The following ARRDC5 variants were observed in gnomAD, a reference collection of about 807,000 sequenced individuals.
ARRDC5 encodes the protein arrestin domain-containing protein 5.
ARRDC5 carries 12 observed loss-of-function variants against 13.3 expected under a neutral mutation model. That is an observed-to-expected ratio of 0.90 (90% CI 0.58 to 1.46). ARRDC5 has a LOEUF of 1.46. Among genes scored for constraint, ARRDC5 ranks in the 40% most tolerant of loss-of-function variants. The probability of loss-of-function intolerance (pLI) is 0.00; values close to 1 mark genes in which losing one functional copy is unlikely to be tolerated. For missense variants in ARRDC5, 406 were observed against 418.7 expected (o/e 0.97, Z 0.26); for synonymous variants, 181 against 173.4 (o/e 1.04, Z -0.34).
chr19:4,904,269 C>G (rs933619717), upstream of ARRDC5, among the ~76,000 whole-genome samples: 1 of 152,100 alleles, frequency 6.6e-6, no homozygotes, highest in Non-Finnish European at 1.5e-5. Flanking sequence ...AGCTCCGCCT[C>G]CCGTGTTCAT....
the ARRDC5 span, among the ~76,000 whole-genome samples, chr19:4,912,931 T>C: frequency 6.6e-6 from 1 of 152,118 alleles, no homozygotes; most frequent in South Asian, 2.1e-4. Context: ...GGCTAGTTTT[T>C]GTATCTTTTG....
chr19:4,896,360 T>TACACACACA (rs1568396021), intron 2 of ARRDC5, among the ~76,000 whole-genome samples: 6 of 70,294 alleles, frequency 8.5e-5, no homozygotes, highest in East Asian at 5.1e-4. Context: ...TTTTTTTTTT[T>TACACACACA]TACACACACA....
intron 1 of ARRDC5, 65 bp from the exon 2 acceptor site, chr19:4,896,941 T>C: frequency 8.5e-7 from 1 of 1,172,482 alleles, no homozygotes; most frequent in East Asian, 2.4e-5. Flanking sequence ...TTCTTCTTTT[T>C]TTTTTTGCTT....
intron 1 of ARRDC5, among the ~76,000 whole-genome samples, chr19:4,899,871 G>A (rs2031858922): frequency 1.3e-5 from 2 of 150,760 alleles, no homozygotes; most frequent in African/African-American, 4.8e-5. Flanking sequence ...CCCGGGAGGC[G>A]GAGCTTGCAG....
At chr19:4,895,210 T>C (rs2779174) in intron 2 of ARRDC5, among the ~76,000 whole-genome samples, 23,635 of 151,548 alleles carry the variant, frequency 0.16, 2,399 homozygotes, top group Non-Finnish European at 0.23. Context: ...TCACCTGAAG[T>C]CAGGAGTTTA....
chr19:4,915,539 C>A, the ARRDC5 span, among the ~76,000 whole-genome samples: 2 of 152,084 alleles, frequency 1.3e-5, no homozygotes, highest in Non-Finnish European at 2.9e-5. Context: ...ATGGTGAAAC[C>A]CCGTCTCTAC....
chr19:4,896,399 C>T (rs1432990627), intron 2 of ARRDC5, among the ~76,000 whole-genome samples: 88 of 130,968 alleles, frequency 6.7e-4, no homozygotes, highest in African/African-American at 2.5e-3. Context: ...CACACACACA[C>T]ACACACATAT....
chr19:4,911,178 G>A, the ARRDC5 span: 8 of 807,400 alleles, frequency 9.9e-6, no homozygotes, highest in Non-Finnish European at 1.5e-5. Context: ...GGAAGGAGAA[G>A]TCCACAGAAA....
upstream of ARRDC5, among the ~76,000 whole-genome samples, chr19:4,906,168 G>C (rs2032059873): frequency 6.6e-6 from 1 of 152,152 alleles, no homozygotes; most frequent in African/African-American, 2.4e-5. Flanking sequence ...TTGTAGAGAA[G>C]GGTTCTCACT....
rs749644025 is a variant in ARRDC5 at position 4,896,766 on chromosome 19, C to A, written c.364G>T (p.Ala122Ser). ...KFGHVFYFVQASCMGREHILA... is the reference protein window; with the variant it reads ...KFGHVFYFVQSSCMGREHILA... ...ATGTGTTCCCTGCCCATGCAGGAAGCTTGTACGAAATAGAAGACATGGCCA... is the reference window on the plus strand; with the variant it reads ...ATGTGTTCCCTGCCCATGCAGGAAGATTGTACGAAATAGAAGACATGGCCA... Residue 122 changes from alanine (A) to serine (S), a missense_variant, in exon 2 of 3, where the codon GCT becomes TCT. Coordinates refer to ENST00000650722, the MANE Select transcript of ARRDC5 (RefSeq NM_001080523.3). 1 of 1,613,642 alleles carries A rather than the reference C, an allele frequency of 6.2e-7. No individual in the cohort carries two copies. Among genetic ancestry groups the A allele is most frequent in the Non-Finnish European group, 8.5e-7 (1 of 1,179,788 alleles).
At position 4,890,943 on chromosome 19, in the gene ARRDC5, C is replaced by G. The variant is rs948150079; in HGVS notation, c.*103G>C. ...AGAGCTTGGGGAGGTTGCAGACAAC[C>G]TGTTGCCCACTCCTCGACTCCTCTG... On this transcript the variant is annotated 3_prime_UTR_variant, in exon 3 of 3. Transcript: ENST00000650722. The G allele has an allele frequency of 4.6e-5, 43 of 944,246 alleles. No individual in the cohort carries two copies. Among genetic ancestry groups the G allele is most frequent in the African/African-American group, 8.4e-5 (5 of 59,874 alleles). 58.5% of individuals were successfully genotyped at this position (944,246 alleles called of 1,614,324 possible).
chr19:4,900,073 C>T (rs2031866445), intron 1 of ARRDC5, among the ~76,000 whole-genome samples: 1 of 150,922 alleles, frequency 6.6e-6, no homozygotes, highest in Admixed American at 6.6e-5. Context: ...CTCCCTTGGC[C>T]TCCCAAAGTG....
intron 2 of ARRDC5, 111 bp downstream of exon 2, chr19:4,896,560 C>T: frequency 1.3e-6 from 1 of 787,390 alleles, no homozygotes; most frequent in Non-Finnish European, 2.1e-6. Context: ...AAGCTGCCAA[C>T]ACCCTTCCCT....
At chr19:4,911,126 T>TCC in the ARRDC5 span, 6 of 1,167,928 alleles carry the variant, frequency 5.1e-6, no homozygotes, top group South Asian at 1.1e-4. Flanking sequence ...CCCTCCCACC[T>TCC]CCCCCCCCAA....
intron 2 of ARRDC5, among the ~76,000 whole-genome samples, chr19:4,891,958 A>AAG (rs965356327): frequency 2.6e-5 from 4 of 151,484 alleles, no homozygotes; most frequent in African/African-American, 9.7e-5. Context: ...CCGTCTCAAA[A>AAG]AAAAAAAAAA....
At chr19:4,893,097 G>A (rs951460459) in intron 2 of ARRDC5, among the ~76,000 whole-genome samples, 22 of 131,948 alleles carry the variant, frequency 1.7e-4, no homozygotes, top group Middle Eastern at 3.9e-3. Context: ...GCAAGACTCC[G>A]TCTCAAAAAT....
At chr19:4,901,246 G>A (rs1470108078) in intron 1 of ARRDC5, among the ~76,000 whole-genome samples, 1 of 152,150 alleles carries the variant, frequency 6.6e-6, no homozygotes. Context: ...TTATGCCAGA[G>A]AGGCTGGGGC....
the ARRDC5 span, among the ~76,000 whole-genome samples, chr19:4,912,246 A>G: frequency 6.6e-6 from 1 of 152,170 alleles, no homozygotes; most frequent in Non-Finnish European, 1.5e-5. Context: ...CGGGCTCGAC[A>G]GAGGAGCTCC....
At chr19:4,909,498 A>G in the ARRDC5 span, 1 of 656,660 alleles carries the variant, frequency 1.5e-6, no homozygotes. Context: ...CGGGAAAAAA[A>G]TCAGAGCAGC....
Sources: allele counts gnomAD v4.1 joint callset (sites outside exome capture counted in the v4.1 genomes callset), GRCh38; gene constraint gnomAD v4.1.1; transcripts MANE v1.5; gene names NCBI Gene and HGNC (gene_info 2026-07-23, HGNC 2026-07-21).